Variants in HYPK observed in about 807,000 individuals in gnomAD.
HYPK encodes the protein huntingtin-interacting protein K.
HYPK carries 9 observed loss-of-function variants against 13.9 expected under a neutral mutation model. That is an observed-to-expected ratio of 0.65 (90% CI 0.39 to 1.13). The LOEUF (loss-of-function observed/expected upper bound fraction) is 1.13, where lower values mean the gene tolerates loss of function less well. Ranked by LOEUF, HYPK falls within the 50% of genes most tolerant of loss-of-function variation. HYPK has a pLI of 0.01. For missense variants in HYPK, 138 were observed against 157.6 expected, an observed-to-expected ratio of 0.88 and a Z score of 0.67; for synonymous variants, 76 against 57.0, an observed-to-expected ratio of 1.33 and a Z score of -1.50.
In HYPK at chr15:43,802,722, A is replaced by C. The variant is rs1365136276; in HGVS notation, c.*916A>C. The C allele has an allele frequency of 6.6e-6, 1 of 152,058 alleles. No homozygotes were observed. Among genetic ancestry groups the C allele is most frequent in the Non-Finnish European group, 1.5e-5 (1 of 68,064 alleles). 9.4% of individuals were successfully genotyped at this position (152,058 alleles called of 1,614,324 possible). A position where few individuals can be genotyped will look rare whatever the true frequency, so the allele number is the denominator to read the frequency against. On this transcript the variant is annotated 3_prime_UTR_variant, in exon 4 of 4. Transcript: ENST00000442995. ...CCCTGTCTCTACTAAAAATACAAAA[A>C]AAATAAAATTAGCCAGGCGTGGTGG...
In HYPK at chr15:43,801,831, CT is replaced by C; in HGVS notation, c.*26del. The C allele has an allele frequency of 1.2e-6, 2 of 1,601,350 alleles. No individual in the cohort carries two copies. The highest frequency in any genetic ancestry group is 8.6e-7 in the Non-Finnish European group (1 of 1,169,286). On this transcript the variant is annotated 3_prime_UTR_variant, in exon 4 of 4. Transcript: ENST00000442995. ...ATGCGTGCTTTCTCAAATATACCTA[CT>C]GGATTAATTTATGGCAATAAAATTT... is the stretch of plus-strand genomic sequence containing the variant.
chr15:43,801,050 A>G lies in HYPK; in HGVS notation c.163-82A>G, dbSNP rs910596768. ...AACACTTGTCATCGTGAATCCATGCATGAACCGCTTGTTTTGTTGGCCTTT... is the reference window on the plus strand; with the variant it reads ...AACACTTGTCATCGTGAATCCATGCGTGAACCGCTTGTTTTGTTGGCCTTT... On this transcript the variant is annotated intron_variant, in intron 1 of 3. Coordinates refer to ENST00000442995, the MANE Select transcript of HYPK (RefSeq NM_016400.4). The G allele has an allele frequency of 1.4e-5, 18 of 1,252,582 alleles. 1 individual carries two copies. The African/African-American group carries it at 2.1e-4, about 14-fold the overall frequency. 77.6% of individuals were successfully genotyped at this position (1,252,582 alleles called of 1,614,324 possible).
At chr15:43,800,827 G>A (rs1328296979) in intron 1 of HYPK, 43 bp downstream of exon 1, 2 of 1,525,794 alleles carry the variant, frequency 1.3e-6, no homozygotes, top group African/African-American at 1.4e-5. Flanking sequence ...TGAGAGCAGA[G>A]GGGGGCTCTG....
rs565647311 is a variant in HYPK, at chr15:43,803,978, C to G, written c.*2172C>G. On this transcript the variant is annotated 3_prime_UTR_variant, in exon 4 of 4. Transcript: ENST00000442995. ...CCATCCTGGCTAACATGGTGAAACC[C>G]CGTCTCTACTAAAAATACAAAAATT... Among the ~76,000 whole-genome samples the G allele has an allele frequency of 4.6e-5, 7 of 151,702 alleles. No individual in the cohort carries two copies. The East Asian group carries it at 1.4e-3, about 29-fold the overall frequency.
Position 43,804,187 on chromosome 15 carries a change from A to G in HYPK, c.*2381A>G. On this transcript the variant is annotated 3_prime_UTR_variant, in exon 4 of 4. Transcript: ENST00000442995. ...TACAGACATTTCTCCAAGAGTTTCA[A>G]GGCCTTACCCTCATTCTGACTCTAG... Among the ~76,000 whole-genome samples, 1 of 152,208 alleles carries G rather than the reference A, an allele frequency of 6.6e-6. No individual in the cohort carries two copies.
In HYPK at chr15:43,803,048, A is replaced by T. The variant is rs2087336421; in HGVS notation, c.*1242A>T. 1 of 152,020 alleles carries T rather than the reference A, an allele frequency of 6.6e-6. No individual in the cohort carries two copies. Among genetic ancestry groups the T allele is most frequent in the African/African-American group, 2.4e-5 (1 of 41,310 alleles). 9.4% of individuals were successfully genotyped at this position (152,020 alleles called of 1,614,324 possible). On this transcript the variant is annotated 3_prime_UTR_variant, in exon 4 of 4. Coordinates refer to ENST00000442995, the MANE Select transcript of HYPK (RefSeq NM_016400.4). Reference sequence around the variant, plus strand: ...TACCGCGCTCCCCCCACCACCAAAAAAAGAATTTAGGTACCTGAGGGTTAG... The same window carrying T: ...TACCGCGCTCCCCCCACCACCAAAATAAGAATTTAGGTACCTGAGGGTTAG...
At chr15:43,801,475 GT>G (rs753120268) in intron 2 of HYPK, 42 bp from the exon 3 acceptor site, 128 of 1,520,336 alleles carry the variant, frequency 8.4e-5, no homozygotes, top group Non-Finnish European at 1.1e-4. Context: ...AGTTTATGGT[GT>G]TGGTTGAGAA....
chr15:43,801,385 A>T (rs2087313480), intron 2 of HYPK, 133 bp from the exon 3 acceptor site: 2 of 881,420 alleles, frequency 2.3e-6, no homozygotes, highest in Non-Finnish European at 3.6e-6. Context: ...GGAAAGGAGT[A>T]TTAGTGGGAG....
In HYPK at chr15:43,803,716, C is replaced by T. The variant is rs1347363879; in HGVS notation, c.*1910C>T. On this transcript the variant is annotated 3_prime_UTR_variant, in exon 4 of 4. Transcript: ENST00000442995. ...GGCTGAGGCAGGAGAATCTCTTGAA[C>T]CCAGGAGGTTGCAGTGAGCAGAGAT... Among the ~76,000 whole-genome samples, 3 of 148,380 alleles carry T rather than the reference C, an allele frequency of 2.0e-5. No homozygotes were observed. The highest frequency in any genetic ancestry group is 4.4e-5 in the Non-Finnish European group (3 of 67,518).
rs887297700 is a variant in HYPK at position 43,803,816 on chromosome 15, G to C, written c.*2010G>C. On this transcript the variant is annotated 3_prime_UTR_variant, in exon 4 of 4. Transcript: ENST00000442995. ...AAAAAAAAAAAAAAAAAATCAGCTTGGACCAACTCACACATGTTGAACTAG... is the reference window on the plus strand; with the variant it reads ...AAAAAAAAAAAAAAAAAATCAGCTTCGACCAACTCACACATGTTGAACTAG... 6.6e-6 allele frequency among the ~76,000 whole-genome samples: 1 copy of C among 151,098 alleles called. No individual in the cohort carries two copies. Among genetic ancestry groups the C allele is most frequent in the Non-Finnish European group, 1.5e-5 (1 of 67,868 alleles).
Position 43,800,674 on chromosome 15 carries a change from C to T in HYPK, c.52C>T (p.Pro18Ser), listed in dbSNP as rs1167870647. 4.3e-6 allele frequency: 7 copies of T among 1,613,904 alleles called. No homozygotes were observed. The South Asian group carries it at 5.5e-5, about 13-fold the overall frequency. ...GGAGTTGGAGACTGAGACCAGTGGA[C>T]CAGAGCGGCCTCCGGAGAAGCCACG... ...ELELETETSG[P>S]ERPPEKPRKH... The change falls in exon 1 of 4, where the codon CCA becomes TCA. Residue 18 changes from proline to serine, a missense_variant. Pro to Ser is a moderately conservative substitution (Grantham distance 74, BLOSUM62 -1). This residue lies in a region of HYPK where 43 missense variants were observed against 30.4 expected (regional missense o/e 1.41). Coordinates refer to ENST00000442995, the MANE Select transcript of HYPK (RefSeq NM_016400.4).
In HYPK at chr15:43,801,201, G is replaced by C. The variant is rs376271370; in HGVS notation, c.218+14G>C. The C allele has an allele frequency of 6.2e-7, 1 of 1,611,564 alleles. No homozygotes were observed. The highest frequency in any genetic ancestry group is 8.5e-7 in the Non-Finnish European group (1 of 1,177,800). On this transcript the variant is annotated intron_variant, in intron 2 of 3. Coordinates refer to ENST00000442995, the MANE Select transcript of HYPK (RefSeq NM_016400.4). ...CAAACAGGAGCGGTAAGTCTTCAGG[G>C]GCAGCCAACTTTAACAGTTCTTCCC...
At chr15:43,800,872 G>A in intron 1 of HYPK, 88 bp downstream of exon 1, 5 of 1,288,164 alleles carry the variant, frequency 3.9e-6, no homozygotes, top group Non-Finnish European at 4.2e-6. Flanking sequence ...CCAAGACGGG[G>A]TTCTGATCCC....
rs1425409978 is a variant in HYPK at position 43,804,092 on chromosome 15, C to T, written c.*2286C>T. Among the ~76,000 whole-genome samples the T allele has an allele frequency of 7.0e-6, 1 of 143,658 alleles. No individual in the cohort carries two copies. Among genetic ancestry groups the T allele is most frequent in the Non-Finnish European group, 1.5e-5 (1 of 67,460 alleles). The allele number at this position is 143,658 out of a possible 152,430, so 94.2% of individuals were successfully genotyped here. A position where few individuals can be genotyped will look rare whatever the true frequency, so the allele number is the denominator to read the frequency against. ...GGGCAACAGAGCCGTCTCTTTAAAA[C>T]AAACAAACAAACAAAAAAAAAACCC... On this transcript the variant is annotated 3_prime_UTR_variant, in exon 4 of 4. Coordinates refer to ENST00000442995, the MANE Select transcript of HYPK (RefSeq NM_016400.4).
Position 43,803,233 on chromosome 15 carries a change from A to T in HYPK, c.*1427A>T, listed in dbSNP as rs983052836. Among the ~76,000 whole-genome samples, 5 of 140,396 alleles carry T rather than the reference A, an allele frequency of 3.6e-5. No individual in the cohort carries two copies. Among genetic ancestry groups the T allele is most frequent in the African/African-American group, 7.7e-5 (3 of 39,018 alleles). The allele number at this position is 140,396 out of a possible 152,430, so 92.1% of individuals were successfully genotyped here. On this transcript the variant is annotated 3_prime_UTR_variant, in exon 4 of 4. Transcript: ENST00000442995. ...GCATGACCTTGTCTCTACTAAAATT[A>T]AAAAAAAAAAAAGCCAGGCATGGTG...
rs1289775505 is a variant in HYPK at position 43,803,357 on chromosome 15, C to T, written c.*1551C>T. Among the ~76,000 whole-genome samples, 1 of 151,880 alleles carries T rather than the reference C, an allele frequency of 6.6e-6. No homozygotes were observed. Among genetic ancestry groups the T allele is most frequent in the Admixed American group, 6.6e-5 (1 of 15,244 alleles). On this transcript the variant is annotated 3_prime_UTR_variant, in exon 4 of 4. Coordinates refer to ENST00000442995, the MANE Select transcript of HYPK (RefSeq NM_016400.4). ...GCAGTGAGCTGAGATTGTGCTACTGCACTCCAGCCTGGGCGACAGAGCAAG... is the reference window on the plus strand; with the variant it reads ...GCAGTGAGCTGAGATTGTGCTACTGTACTCCAGCCTGGGCGACAGAGCAAG...
rs770159641 is a variant in HYPK, at chr15:43,801,176, C to T, written c.207C>T (p.Ala69=). Reference sequence around the variant, plus strand: ...ACAGAAGGTCCCGGGAGCAGAAAGCCAAACAGGAGCGGTAAGTCTTCAGGG... The same window carrying T: ...ACAGAAGGTCCCGGGAGCAGAAAGCTAAACAGGAGCGGTAAGTCTTCAGGG... The part of the protein sequence containing the change: ...IGDRRSREQK[A]KQEREKELAK... The change falls in exon 2 of 4, where the codon GCC becomes GCT. Residue 69 remains alanine, a synonymous_variant. Transcript: ENST00000442995. 1.2e-6 allele frequency: 2 copies of T among 1,613,954 alleles called. No homozygotes were observed. Among genetic ancestry groups the T allele is most frequent in the Non-Finnish European group, 1.7e-6 (2 of 1,179,878 alleles).
chr15:43,803,352 T>C lies in HYPK; in HGVS notation c.*1546T>C, dbSNP rs1185671376. 2.6e-5 allele frequency among the ~76,000 whole-genome samples: 4 copies of C among 151,460 alleles called. No homozygotes were observed. The highest frequency in any genetic ancestry group is 9.7e-5 in the African/African-American group (4 of 41,186). ...AGGCTGCAGTGAGCTGAGATTGTGC[T>C]ACTGCACTCCAGCCTGGGCGACAGA... On this transcript the variant is annotated 3_prime_UTR_variant, in exon 4 of 4. Coordinates refer to ENST00000442995, the MANE Select transcript of HYPK (RefSeq NM_016400.4).
In HYPK at chr15:43,804,203, C is replaced by T. The variant is rs1347204431; in HGVS notation, c.*2397C>T. Reference sequence around the variant, plus strand: ...AGAGTTTCAAGGCCTTACCCTCATTCTGACTCTAGGATAATTCTTAGATTG... The same window carrying T: ...AGAGTTTCAAGGCCTTACCCTCATTTTGACTCTAGGATAATTCTTAGATTG... On this transcript the variant is annotated 3_prime_UTR_variant, in exon 4 of 4. Transcript: ENST00000442995. Among the ~76,000 whole-genome samples the T allele has an allele frequency of 6.6e-6, 1 of 152,190 alleles. No homozygotes were observed. The highest frequency in any genetic ancestry group is 1.5e-5 in the Non-Finnish European group (1 of 68,026).
Sources: allele counts gnomAD v4.1 joint callset (sites outside exome capture counted in the v4.1 genomes callset), GRCh38; gene constraint gnomAD v4.1.1; regional missense constraint gnomAD v4.1.1; transcripts MANE v1.5; gene names NCBI Gene and HGNC (gene_info 2026-07-23, HGNC 2026-07-21).